The following PDE8B variants were observed in gnomAD, a reference collection of about 807,000 sequenced individuals.
PDE8B encodes high affinity cAMP-specific and IBMX-insensitive 3',5'-cyclic phosphodiesterase 8B.
PDE8B carries 26 observed loss-of-function variants against 101.3 expected under a neutral mutation model. The observed-to-expected ratio is 0.26, with a 90% CI of 0.19 to 0.36. PDE8B has a LOEUF of 0.36. PDE8B is among the 10% of genes least tolerant of loss of function. The pLI, the probability that PDE8B is intolerant of heterozygous loss-of-function variation, is 1.00. For synonymous variants in PDE8B, 424 were observed against 429.3 expected (o/e 0.99, Z 0.15); for missense variants, 810 against 1,163.1 (o/e 0.70, Z 4.42).
intron 1 of PDE8B, among the ~76,000 whole-genome samples, chr5:77,264,716 A>G (rs1475842694): frequency 1.3e-5 from 2 of 152,194 alleles, no homozygotes; most frequent in Admixed American, 1.3e-4. Flanking sequence ...ACTGTTTCAA[A>G]GGATCAAGCA....
the PDE8B span, among the ~76,000 whole-genome samples, chr5:77,169,796 C>G: frequency 2.6e-5 from 4 of 152,282 alleles, no homozygotes; most frequent in East Asian, 7.7e-4. Context: ...CCACTGAGCC[C>G]TGGAGGTGTG....
intron 17 of PDE8B, 123 bp downstream of exon 17, chr5:77,413,432 A>T (rs1264491051): frequency 4.4e-5 from 36 of 822,542 alleles, no homozygotes; most frequent in Non-Finnish European, 6.3e-5. Context: ...TTAAAAAAAA[A>T]TTTTGTTACC....
At chr5:77,333,483 G>A (rs1447934546) in intron 5 of PDE8B, among the ~76,000 whole-genome samples, 1 of 152,190 alleles carries the variant, frequency 6.6e-6, no homozygotes, top group Non-Finnish European at 1.5e-5. Flanking sequence ...ACCTCATGGA[G>A]TGTGAGGACA....
intron 1 of PDE8B, among the ~76,000 whole-genome samples, chr5:77,268,374 T>C (rs953238522): frequency 1.3e-5 from 2 of 152,264 alleles, no homozygotes; most frequent in South Asian, 2.1e-4. Flanking sequence ...TTATGTTCTT[T>C]TAGTTATTTT....
At chr5:77,215,733 C>T (rs1749538907) in intron 1 of PDE8B, among the ~76,000 whole-genome samples, 1 of 152,066 alleles carries the variant, frequency 6.6e-6, no homozygotes, top group Non-Finnish European at 1.5e-5. Context: ...TGGGTAAAGG[C>T]CAGTAATCAA....
intron 1 of PDE8B, among the ~76,000 whole-genome samples, chr5:77,274,158 A>G (rs1334715343): frequency 6.6e-6 from 1 of 152,180 alleles, no homozygotes; most frequent in Non-Finnish European, 1.5e-5. Flanking sequence ...GTATCTATAA[A>G]AAGGAGGAAC....
chr5:77,222,753 A>G (rs1561369934), intron 1 of PDE8B, among the ~76,000 whole-genome samples: 1 of 152,102 alleles, frequency 6.6e-6, no homozygotes, highest in Non-Finnish European at 1.5e-5. Context: ...CTGGGAGAGC[A>G]TGAAGAACTG....
chr5:77,291,936 C>T (rs780544066), intron 1 of PDE8B: 29 of 766,098 alleles, frequency 3.8e-5, no homozygotes, highest in Non-Finnish European at 6.0e-5. Context: ...CCTATGACCC[C>T]AAAGCCCTGA....
chr5:77,412,267 G>T (rs770531729), intron 16 of PDE8B, 32 bp downstream of exon 16: 16 of 1,610,514 alleles, frequency 9.9e-6, no homozygotes, highest in Non-Finnish European at 1.4e-5. Context: ...AGGCAGAGCA[G>T]GATTGATGGC....
chr5:77,378,049 C>CACACACACACACACACACACA (rs1554093056), intron 10 of PDE8B, among the ~76,000 whole-genome samples: 2 of 148,370 alleles, frequency 1.3e-5, no homozygotes, highest in African/African-American at 5.0e-5. Flanking sequence ...CACACACACA[C>CACACACACACACACACACACA]CCCCTGTTGG....
chr5:77,320,471 C>T (rs1774802284), intron 2 of PDE8B, among the ~76,000 whole-genome samples: 1 of 152,154 alleles, frequency 6.6e-6, no homozygotes, highest in African/African-American at 2.4e-5. Flanking sequence ...TGTGACAAAA[C>T]TACTTCCTTC....
the PDE8B span, among the ~76,000 whole-genome samples, chr5:77,177,975 T>C: frequency 6.6e-6 from 1 of 152,224 alleles, no homozygotes; most frequent in Non-Finnish European, 1.5e-5. Context: ...GGGACTACTG[T>C]ATGTGCAAAC....
At chr5:77,335,767 G>A (rs192678995) in intron 5 of PDE8B, among the ~76,000 whole-genome samples, 1 of 152,230 alleles carries the variant, frequency 6.6e-6, no homozygotes, top group East Asian at 1.9e-4. Flanking sequence ...TAGTTTGCCA[G>A]CCATATGCTT....
intron 20 of PDE8B, among the ~76,000 whole-genome samples, chr5:77,422,324 G>A (rs1796835835): frequency 6.6e-6 from 1 of 152,166 alleles, no homozygotes; most frequent in Admixed American, 6.5e-5. Context: ...TACATGGCGC[G>A]TTATGGGAAC....
intron 10 of PDE8B, among the ~76,000 whole-genome samples, chr5:77,368,033 TAAG>T (rs1324561857): frequency 1.3e-5 from 2 of 152,214 alleles, no homozygotes; most frequent in East Asian, 3.8e-4. Context: ...CATGTGAGAA[TAAG>T]AGATAAGTTG....
chr5:77,248,461 G>A (rs922799234), intron 1 of PDE8B, among the ~76,000 whole-genome samples: 1 of 152,056 alleles, frequency 6.6e-6, no homozygotes, highest in Non-Finnish European at 1.5e-5. Context: ...TGTTGTTGTT[G>A]TCTAATGAGC....
the PDE8B span, among the ~76,000 whole-genome samples, chr5:77,155,282 T>C: frequency 5.3e-5 from 8 of 152,200 alleles, no homozygotes; most frequent in Admixed American, 3.3e-4. Flanking sequence ...TTTTAAAATG[T>C]AAACACTATG....
chr5:77,245,620 T>TTG (rs538327439), intron 1 of PDE8B, among the ~76,000 whole-genome samples: 1 of 152,244 alleles, frequency 6.6e-6, no homozygotes, highest in Non-Finnish European at 1.5e-5. Flanking sequence ...ATGGAGCAGC[T>TTG]TGTGTGTGTG....
the PDE8B span, among the ~76,000 whole-genome samples, chr5:77,201,163 G>A: frequency 2.0e-5 from 3 of 152,328 alleles, no homozygotes; most frequent in African/African-American, 7.2e-5. Flanking sequence ...GTATCAAAAG[G>A]CTGACTTTAG....
Sources: allele counts gnomAD v4.1 joint callset (sites outside exome capture counted in the v4.1 genomes callset), GRCh38; gene constraint gnomAD v4.1.1; transcripts MANE v1.5; gene names NCBI Gene and HGNC (gene_info 2026-07-23, HGNC 2026-07-21).